Variants in IFT81 observed in about 807,000 individuals in gnomAD.
The protein encoded by IFT81 is intraflagellar transport 81.
In IFT81, 72 loss-of-function variants were observed where a neutral mutation model predicts 102.6. That is an observed-to-expected ratio of 0.70 (90% CI 0.58 to 0.85). The LOEUF is 0.85. Among genes scored for constraint, IFT81 ranks in the 40% least tolerant of loss-of-function variants. The pLI, the probability that IFT81 is intolerant of heterozygous loss-of-function variation, is 0.00. For missense variants in IFT81, 723 were observed against 787.3 expected (o/e 0.92, Z 0.98); for synonymous variants, 237 against 242.7 (o/e 0.98, Z 0.22).
At chr12:110,157,027 T>C (rs1278734603) in intron 10 of IFT81, among the ~76,000 whole-genome samples, 13 of 152,186 alleles carry the variant, frequency 8.5e-5, no homozygotes, top group African/African-American at 3.1e-4. Flanking sequence ...TTTTTTTTTT[T>C]TTCAGAGCAG....
chr12:110,180,641 T>G (rs1897284559), intron 12 of IFT81, 70 bp downstream of exon 12: 1 of 1,101,792 alleles, frequency 9.1e-7, no homozygotes, highest in Non-Finnish European at 1.3e-6. Flanking sequence ...AGCTTTATAC[T>G]GAAGTCATTG....
rs572217072 is a variant in IFT81, at chr12:110,157,764, T to C, written c.1042-5155T>C. On this transcript the variant is annotated intron_variant, in intron 10 of 18. Transcript: ENST00000242591. ...AGACTTGATAATTTCTATTGTCCTG[T>C]CTTCAAGTTCATGGATTCTTTTGTC... 2.6e-4 allele frequency among the ~76,000 whole-genome samples: 40 copies of C among 152,350 alleles called. 1 individual carries two copies. The highest frequency in any genetic ancestry group is 8.7e-4 in the African/African-American group (36 of 41,588).
Position 110,166,638 on chromosome 12 carries a change from A to G in IFT81, c.1188+3573A>G, listed in dbSNP as rs190825457. Among the ~76,000 whole-genome samples, 478 of 151,896 alleles carry G rather than the reference A, an allele frequency of 3.1e-3. 5 individuals are homozygous for G. Among genetic ancestry groups the G allele is most frequent in the Admixed American group, 0.011 (166 of 15,268 alleles). On this transcript the variant is annotated intron_variant, in intron 11 of 18. Transcript: ENST00000242591. Reference sequence around the variant, plus strand: ...CAGAGAAATTGAAATAATTTTCCCAAAGTTACACAGTTAGCATGTAAGAGA... The same window carrying G: ...CAGAGAAATTGAAATAATTTTCCCAGAGTTACACAGTTAGCATGTAAGAGA...
At chr12:110,185,719 A>C (rs964348460) in intron 12 of IFT81, among the ~76,000 whole-genome samples, 1 of 151,984 alleles carries the variant, frequency 6.6e-6, no homozygotes, top group Non-Finnish European at 1.5e-5. Context: ...TGATTCTCCC[A>C]AGTACCTGGG....
intron 18 of IFT81, among the ~76,000 whole-genome samples, chr12:110,215,453 CTTTTTTTTTTTTTTT>C (rs556887393): frequency 7.1e-4 from 44 of 61,942 alleles, no homozygotes; most frequent in African/African-American, 3.4e-3. Flanking sequence ...TCTTCTTCTT[CTTTTTTTTTTTTTTT>C]TTTTTTTTTT....
Position 110,209,214 on chromosome 12 carries a change from A to C in IFT81, c.1846A>C (p.Lys616Gln). ...KNTAEQENLG[K>Q]KLREKQKVIR... ...TACTGCTGAACAAGAAAACCTTGGA[A>C]AGGTAAGAATTATTATTTATTTTTT... The change falls in exon 18 of 19, where the codon AAG becomes CAG. Residue 616 changes from lysine (K) to glutamine (Q), a missense_variant and splice_region_variant. Coordinates refer to ENST00000242591, the MANE Select transcript of IFT81 (RefSeq NM_014055.4). The C allele has an allele frequency of 6.6e-7, 1 of 1,514,686 alleles. No homozygotes were observed. The highest frequency in any genetic ancestry group is 9.1e-7 in the Non-Finnish European group (1 of 1,093,726). 93.8% of individuals were successfully genotyped at this position (1,514,686 alleles called of 1,614,324 possible).
intron 10 of IFT81, among the ~76,000 whole-genome samples, chr12:110,151,396 T>C (rs921153173): frequency 6.6e-6 from 1 of 152,242 alleles, no homozygotes; most frequent in Admixed American, 6.5e-5. Flanking sequence ...CTCCATTGTA[T>C]AGCTACATCA....
At chr12:110,198,764 G>A (rs1898128706) in intron 14 of IFT81, among the ~76,000 whole-genome samples, 2 of 149,884 alleles carry the variant, frequency 1.3e-5, no homozygotes, top group African/African-American at 4.9e-5. Flanking sequence ...TAATTTCAAT[G>A]ACTGTCTTTT....
intron 14 of IFT81, among the ~76,000 whole-genome samples, chr12:110,196,924 G>A (rs1432416097): frequency 6.6e-6 from 1 of 152,080 alleles, no homozygotes; most frequent in Non-Finnish European, 1.5e-5. Context: ...GTAGGGCCAG[G>A]CAGCAGTTGC....
intron 11 of IFT81, among the ~76,000 whole-genome samples, chr12:110,180,051 C>G (rs1897254285): frequency 6.6e-6 from 1 of 152,044 alleles, no homozygotes; most frequent in Non-Finnish European, 1.5e-5. Flanking sequence ...GAGCAAGATA[C>G]TTGCAGGTCC....
intron 8 of IFT81, among the ~76,000 whole-genome samples, chr12:110,138,951 A>G (rs1894680650): frequency 6.6e-6 from 1 of 152,190 alleles, no homozygotes; most frequent in African/African-American, 2.4e-5. Context: ...TCAAGGTCTA[A>G]GTTAAATTTT....
chr12:110,127,546 T>C, intron 2 of IFT81, 22 bp downstream of exon 2: 1 of 1,572,134 alleles, frequency 6.4e-7, no homozygotes, highest in Non-Finnish European at 8.6e-7. Context: ...CTCTTTCTTT[T>C]TGATGGGTAG....
At chr12:110,159,785 C>G (rs1274834201) in intron 10 of IFT81, among the ~76,000 whole-genome samples, 2 of 152,212 alleles carry the variant, frequency 1.3e-5, no homozygotes, top group Non-Finnish European at 2.9e-5. Context: ...TCTGTTCACA[C>G]TTGCTCCAGC....
intron 11 of IFT81, chr12:110,169,324 C>A (rs1896625173): frequency 6.6e-6 from 1 of 152,054 alleles, no homozygotes; most frequent in Admixed American, 6.6e-5. Flanking sequence ...ACCCCATGTG[C>A]CTTTTCCCTC....
chr12:110,206,469 C>T (rs1024225280), intron 17 of IFT81, among the ~76,000 whole-genome samples: 7 of 152,144 alleles, frequency 4.6e-5, no homozygotes, highest in East Asian at 1.9e-4. Context: ...GTAGCACTCA[C>T]GTTTATTCTA....
intron 11 of IFT81, among the ~76,000 whole-genome samples, chr12:110,167,572 G>T (rs1165734916): frequency 6.6e-6 from 1 of 151,932 alleles, no homozygotes; most frequent in East Asian, 1.9e-4. Flanking sequence ...TTTTTATATT[G>T]AATTTTAAGT....
At chr12:110,148,083 A>G (rs1895324605) in intron 10 of IFT81, among the ~76,000 whole-genome samples, 1 of 152,208 alleles carries the variant, frequency 6.6e-6, no homozygotes, top group Middle Eastern at 3.4e-3. Flanking sequence ...TCTGTCCCAG[A>G]AAGTTTGTCT....
chr12:110,211,348 C>A (rs955710048), intron 18 of IFT81, among the ~76,000 whole-genome samples: 1 of 152,014 alleles, frequency 6.6e-6, no homozygotes, highest in Non-Finnish European at 1.5e-5. Context: ...GAGGCAGGAG[C>A]TAGTTTTTTT....
chr12:110,184,828 C>T (rs552979099), intron 12 of IFT81, among the ~76,000 whole-genome samples: 1 of 152,212 alleles, frequency 6.6e-6, no homozygotes, highest in Non-Finnish European at 1.5e-5. Flanking sequence ...TGTACTCAGT[C>T]ATTGGCTAAG....
Sources: allele counts gnomAD v4.1 joint callset (sites outside exome capture counted in the v4.1 genomes callset), GRCh38; gene constraint gnomAD v4.1.1; transcripts MANE v1.5; gene names NCBI Gene and HGNC (gene_info 2026-07-23, HGNC 2026-07-21).